The following ANKRD36B variants were observed in gnomAD, a reference collection of about 807,000 sequenced individuals.
ANKRD36B encodes ankyrin repeat domain-containing protein 36B.
A neutral mutation model predicts 135.7 loss-of-function variants in ANKRD36B; 37 were observed. The observed-to-expected ratio is 0.27, with a 90% CI of 0.21 to 0.36. The LOEUF is 0.36. Ranked by LOEUF, ANKRD36B falls within the 10% of genes least tolerant of loss-of-function variation. ANKRD36B has a pLI of 1.00. For missense variants in ANKRD36B, 549 were observed against 1,037.1 expected, an observed-to-expected ratio of 0.53 and a Z score of 6.46; for synonymous variants, 179 against 348.1, an observed-to-expected ratio of 0.51 and a Z score of 5.41.
At chr2:97,514,659 T>G (rs1476617571) in intron 37 of ANKRD36B, among the ~76,000 whole-genome samples, 1 of 93,658 alleles carries the variant, frequency 1.1e-5, no homozygotes, top group African/African-American at 3.2e-5. Context: ...TTTTTAAGAT[T>G]GTTTTTTGGG....
At position 97,560,683 on chromosome 2, in the gene ANKRD36B, C is replaced by G. The variant is rs762070702; in HGVS notation, c.847G>C (p.Gly283Arg). 1 of 1,603,534 alleles carries G rather than the reference C, an allele frequency of 6.2e-7. No homozygotes were observed. The highest frequency in any genetic ancestry group is 8.5e-7 in the Non-Finnish European group (1 of 1,178,366). ...VSNIATEIKE[G>R]PISGTVSSQK... ...AAATTACCTGTCCCAGATATAGGTC[C>G]CTCCTTTATTTCTGTGGCTATATTT... Residue 283 changes from glycine (G) to arginine (R), a missense_variant, in exon 8 of 44, where the codon GGA becomes CGA. Physicochemically the swap from Gly to Arg is moderately radical, Grantham distance 125. Transcript: ENST00000359901.
rs1267491341 is a variant in ANKRD36B, at chr2:97,540,299, T to C, written c.1886-70A>G. The C allele has an allele frequency of 6.8e-6, 6 of 877,924 alleles. 1 individual carries two copies. In the African/African-American group the frequency reaches 8.6e-5, roughly 13 times the overall value. 54.4% of individuals were successfully genotyped at this position (877,924 alleles called of 1,614,324 possible). ...TAAAGTTATTCATACATTCATGCAG[T>C]GTTAGCATCAAGCTGTATCCTTCTG... On this transcript the variant is annotated intron_variant, in intron 28 of 43. Coordinates refer to ENST00000359901, the MANE Select transcript of ANKRD36B (RefSeq NM_001393939.1).
intron 36 of ANKRD36B, among the ~76,000 whole-genome samples, chr2:97,516,783 C>A: frequency 1.7e-5 from 1 of 57,948 alleles, no homozygotes; most frequent in Non-Finnish European, 4.5e-5. Flanking sequence ...ATGAAAAGTG[C>A]TTGTGTACTA....
chr2:97,538,145 T>A (rs1210718543), intron 32 of ANKRD36B, 23 bp downstream of exon 32: 1 of 983,250 alleles, frequency 1.0e-6, no homozygotes, highest in East Asian at 2.7e-5. Context: ...GCACATGACA[T>A]TAAATGTATA....
At chr2:97,588,248 C>T (rs1312363366) in intron 1 of ANKRD36B, among the ~76,000 whole-genome samples, 2 of 152,064 alleles carry the variant, frequency 1.3e-5, no homozygotes, top group African/African-American at 2.4e-5. Flanking sequence ...AGTTAGCAGG[C>T]ACTTCATTTA....
In ANKRD36B at chr2:97,532,518, A is replaced by C. The variant is rs1177509233; in HGVS notation, c.2192-134T>G. 13 of 378,404 alleles carry C rather than the reference A, an allele frequency of 3.4e-5. 4 individuals are homozygous for C. The highest frequency in any genetic ancestry group is 1.9e-4 in the African/African-American group (8 of 41,626). 23.4% of individuals were successfully genotyped at this position (378,404 alleles called of 1,614,324 possible). ...CGGGTGGATCACGAGGTCAGGAGAT[A>C]GAGACCATCCTGGCTAACAAGGTGA... On this transcript the variant is annotated intron_variant, in intron 34 of 43. Coordinates refer to ENST00000359901, the MANE Select transcript of ANKRD36B (RefSeq NM_001393939.1).
chr2:97,535,832 G>A (rs1367287908), intron 34 of ANKRD36B, among the ~76,000 whole-genome samples: 2 of 94,256 alleles, frequency 2.1e-5, no homozygotes, highest in African/African-American at 3.1e-5. Context: ...TTGGGAGGGC[G>A]AGGCGGGAGG....
chr2:97,570,503 T>A (rs1041238821), intron 6 of ANKRD36B, among the ~76,000 whole-genome samples: 3 of 152,198 alleles, frequency 2.0e-5, no homozygotes, highest in African/African-American at 7.2e-5. Flanking sequence ...GCTTTTCTTC[T>A]GGAAGTGTGG....
At chr2:97,549,544 C>G (rs781159346) in intron 19 of ANKRD36B, 42 bp downstream of exon 19, 2 of 1,608,086 alleles carry the variant, frequency 1.2e-6, no homozygotes, top group Non-Finnish European at 1.7e-6. Flanking sequence ...TTTCATAGAC[C>G]ATACATTAAC....
intron 34 of ANKRD36B, 132 bp downstream of exon 34, chr2:97,536,168 C>T (rs1190061553): frequency 1.0e-5 from 4 of 399,492 alleles, no homozygotes; most frequent in Non-Finnish European, 1.9e-5. Context: ...AAAATGATAA[C>T]AGCTGCATTA....
intron 1 of ANKRD36B, among the ~76,000 whole-genome samples, chr2:97,586,039 ATAAAG>A (rs1320079623): frequency 1.3e-5 from 2 of 152,240 alleles, no homozygotes; most frequent in African/African-American, 4.8e-5. Context: ...TTATCGATAT[ATAAAG>A]TAATGTGGCA....
chr2:97,536,176 T>A (rs1255779348), intron 34 of ANKRD36B, 124 bp downstream of exon 34: 1 of 430,188 alleles, frequency 2.3e-6, no homozygotes, highest in African/African-American at 2.2e-5. Context: ...AACAGCTGCA[T>A]TATTTAGATG....
Position 97,589,824 on chromosome 2 carries a change from C to T in ANKRD36B, c.-139G>A. 5.5e-6 allele frequency: 7 copies of T among 1,272,386 alleles called. 1 individual carries two copies. In the South Asian group the frequency reaches 8.0e-5, roughly 14 times the overall value. 78.8% of individuals were successfully genotyped at this position (1,272,386 alleles called of 1,614,324 possible). A position where few individuals can be genotyped will look rare whatever the true frequency, so the allele number is the denominator to read the frequency against. ...CAGGCAAAGCAGTCTGTGCACGGAC[C>T]TCCGCGCAGACTCTCAGCGCCTCCC... On this transcript the variant is annotated 5_prime_UTR_variant, in exon 1 of 44. Coordinates refer to ENST00000359901, the MANE Select transcript of ANKRD36B (RefSeq NM_001393939.1).
Position 97,580,474 on chromosome 2 carries a change from T to G in ANKRD36B, c.545A>C (p.Asp182Ala). The G allele has an allele frequency of 6.5e-7, 1 of 1,546,448 alleles. No homozygotes were observed. ...CTAAGGTCTGTACCTGCCAAGATAA[T>G]CAATGGCATTTACATTTGCTTTTTT... ...LKKKANVNAIDYLGRSALILA... is the reference protein window; with the variant it reads ...LKKKANVNAIAYLGRSALILA... The change falls in exon 4 of 44, where the codon GAT becomes GCT. Residue 182 changes from aspartate to alanine, a missense_variant. Physicochemically the swap from Asp to Ala is moderately radical, Grantham distance 126 (BLOSUM62 -2). Transcript: ENST00000359901.
chr2:97,551,077 C>T (rs1231952898), intron 18 of ANKRD36B, among the ~76,000 whole-genome samples: 1 of 151,798 alleles, frequency 6.6e-6, no homozygotes. Context: ...TTCTTCCTCC[C>T]AGTTGCAATG....
At chr2:97,589,206 A>C (rs1573126215) in intron 1 of ANKRD36B, among the ~76,000 whole-genome samples, 3 of 101,612 alleles carry the variant, frequency 3.0e-5, no homozygotes, top group East Asian at 3.6e-4. Flanking sequence ...TTGAACCCTC[A>C]CCCCATCTCC....
At chr2:97,573,384 A>G (rs1221844307) in intron 6 of ANKRD36B, among the ~76,000 whole-genome samples, 1 of 152,150 alleles carries the variant, frequency 6.6e-6, no homozygotes, top group African/African-American at 2.4e-5. Context: ...CAATGAAATA[A>G]AAGAGGATAC....
At chr2:97,563,525 A>G (rs1456639504) in intron 6 of ANKRD36B, among the ~76,000 whole-genome samples, 3 of 151,950 alleles carry the variant, frequency 2.0e-5, no homozygotes, top group Non-Finnish European at 4.4e-5. Context: ...TTGCCATTTG[A>G]CATCTGGGAA....
At chr2:97,559,449 C>T (rs1389207541) in intron 8 of ANKRD36B, among the ~76,000 whole-genome samples, 1 of 151,726 alleles carries the variant, frequency 6.6e-6, no homozygotes, top group Non-Finnish European at 1.5e-5. Flanking sequence ...TACACAATTA[C>T]GATGACAATT....
Sources: allele counts gnomAD v4.1 joint callset (sites outside exome capture counted in the v4.1 genomes callset), GRCh38; gene constraint gnomAD v4.1.1; transcripts MANE v1.5; gene names NCBI Gene and HGNC (gene_info 2026-07-23, HGNC 2026-07-21).